Variants in STX16 observed in about 807,000 individuals in gnomAD.
STX16 encodes the protein syntaxin 16, also known as syntaxin-16.
In STX16, 28 loss-of-function variants were observed where a neutral mutation model predicts 42.7. That is an observed-to-expected ratio of 0.66 (90% CI 0.49 to 0.90). STX16 has a LOEUF of 0.90. Among genes scored for constraint, STX16 ranks in the 40% least tolerant of loss-of-function variants. STX16 has a pLI of 0.00. For synonymous variants in STX16, 156 were observed against 155.2 expected (o/e 1.00, Z -0.04); for missense variants, 361 against 420.9 (o/e 0.86, Z 1.24).
At chr20:58,673,142 TC>T in intron 7 of STX16, among the ~76,000 whole-genome samples, 1 of 152,318 alleles carries the variant, frequency 6.6e-6, no homozygotes, top group African/African-American at 2.4e-5. Context: ...GTTTACCATT[TC>T]CTGCTCTGAC....
intron 4 of STX16, among the ~76,000 whole-genome samples, chr20:58,668,775 G>T (rs955209108): frequency 6.6e-6 from 1 of 151,784 alleles, no homozygotes; most frequent in Admixed American, 6.6e-5. Context: ...GCTTGTTAGG[G>T]ATTAAATGAG....
At position 58,669,454 on chromosome 20, in the gene STX16, G is replaced by A; in HGVS notation, c.556+1G>A. On this transcript the variant is annotated splice_donor_variant, in intron 5 of 8. Transcript: ENST00000371141. LOFTEE classifies it high-confidence loss of function. ...CACGCACAGTCAGGCTACCTCAAAC[G>A]TGAGTGCTGCCCGGGCCTAGTGAAG... The A allele has an allele frequency of 2.5e-6, 4 of 1,608,094 alleles. No individual in the cohort carries two copies. Among genetic ancestry groups the A allele is most frequent in the East Asian group, 4.5e-5 (2 of 44,816 alleles).
At chr20:58,670,667 C>T in intron 6 of STX16, 64 bp downstream of exon 6, 1 of 1,331,724 alleles carries the variant, frequency 7.5e-7, no homozygotes, top group Non-Finnish European at 1.1e-6. Context: ...TCTTTCACCT[C>T]CTAGACCTCG....
At chr20:58,673,433 C>T (rs1485281557) in intron 7 of STX16, among the ~76,000 whole-genome samples, 198 bp from the exon 8 acceptor site, 1 of 152,176 alleles carries the variant, frequency 6.6e-6, no homozygotes, top group Non-Finnish European at 1.5e-5. Flanking sequence ...TGTGATGGCA[C>T]TAACCAGCAT....
chr20:58,678,015 C>T lies in STX16; in HGVS notation c.*1724C>T, dbSNP rs2084174790. On this transcript the variant is annotated 3_prime_UTR_variant, in exon 9 of 9. Transcript: ENST00000371141. ...AATAAGAAGCCAGCACCTCATCAGT[C>T]AGCCCTGCAATGTGAGACTTCCGTA... 1 of 152,268 alleles carries T rather than the reference C, an allele frequency of 6.6e-6. No individual in the cohort carries two copies. The highest frequency in any genetic ancestry group is 1.5e-5 in the Non-Finnish European group (1 of 68,066). 9.4% of individuals were successfully genotyped at this position (152,268 alleles called of 1,614,324 possible).
At chr20:58,662,219 G>T (rs2122945542) in intron 2 of STX16, among the ~76,000 whole-genome samples, 1 of 152,346 alleles carries the variant, frequency 6.6e-6, no homozygotes, top group South Asian at 2.1e-4. Flanking sequence ...AAACCACACT[G>T]CCTGGAGGAC....
chr20:58,652,407 C>T, intron 1 of STX16: 1 of 536,862 alleles, frequency 1.9e-6, no homozygotes, highest in Admixed American at 2.5e-5. Flanking sequence ...GGCGTCACTG[C>T]GCTACAGGCC....
intron 2 of STX16, among the ~76,000 whole-genome samples, chr20:58,660,309 G>A (rs1269606681): frequency 2.0e-5 from 3 of 152,232 alleles, no homozygotes; most frequent in Non-Finnish European, 4.4e-5. Context: ...TCTATTGTCT[G>A]TTTCAGCATT....
chr20:58,651,306 G>A lies in STX16; in HGVS notation c.-701G>A, dbSNP rs1387512604. 1 of 153,078 alleles carries A rather than the reference G, an allele frequency of 6.5e-6. No homozygotes were observed. The highest frequency in any genetic ancestry group is 1.5e-5 in the Non-Finnish European group (1 of 68,644). The allele number at this position is 153,078 out of a possible 1,614,324, so 9.5% of individuals were successfully genotyped here. On this transcript the variant is annotated 5_prime_UTR_variant, in exon 1 of 9. Transcript: ENST00000371141. ...TCAGATCCGGGGATGGAGGGAGCCG[G>A]AGAAGAGGAGTGAGAAGGCCGGGGA... is the stretch of plus-strand genomic sequence containing the variant.
intron 4 of STX16, 94 bp downstream of exon 4, chr20:58,668,221 C>A: frequency 6.7e-7 from 1 of 1,489,866 alleles, no homozygotes; most frequent in Non-Finnish European, 9.0e-7. Flanking sequence ...CTCCTGGAGT[C>A]ATTTCCCAAC....
rs558561838 is a variant in STX16, at chr20:58,669,467, G to A, written c.556+14G>A. 17 of 1,589,004 alleles carry A rather than the reference G, an allele frequency of 1.1e-5. No individual in the cohort carries two copies. The highest frequency in any genetic ancestry group is 2.7e-5 in the African/African-American group (2 of 73,172). ...GCTACCTCAAACGTGAGTGCTGCCC[G>A]GGCCTAGTGAAGGGATTTTGAGTAA... On this transcript the variant is annotated intron_variant, in intron 5 of 8. Coordinates refer to ENST00000371141, the MANE Select transcript of STX16 (RefSeq NM_001001433.3).
chr20:58,654,162 C>T (rs2083537039), intron 1 of STX16, among the ~76,000 whole-genome samples: 1 of 152,092 alleles, frequency 6.6e-6, no homozygotes, highest in African/African-American at 2.4e-5. Flanking sequence ...TTCTAAATGT[C>T]ATACCATTGA....
In STX16 at chr20:58,676,907, C is replaced by G. The variant is rs977723692; in HGVS notation, c.*616C>G. The G allele has an allele frequency of 1.0e-4, 16 of 152,636 alleles. No individual in the cohort carries two copies. The highest frequency in any genetic ancestry group is 1.0e-3 in the Admixed American group (16 of 15,280). 9.5% of individuals were successfully genotyped at this position (152,636 alleles called of 1,614,324 possible). A position where few individuals can be genotyped will look rare whatever the true frequency, so the allele number is the denominator to read the frequency against. On this transcript the variant is annotated 3_prime_UTR_variant, in exon 9 of 9. Transcript: ENST00000371141. Reference sequence around the variant, plus strand: ...CAAAGTGTGAAAAATAAGAAACCATCATTGATGTTAATTAACACATTTAGA... The same window carrying G: ...CAAAGTGTGAAAAATAAGAAACCATGATTGATGTTAATTAACACATTTAGA...
intron 5 of STX16, 147 bp from the exon 6 acceptor site, chr20:58,670,365 C>A: frequency 4.9e-6 from 3 of 607,322 alleles, no homozygotes; most frequent in Non-Finnish European, 8.8e-6. Flanking sequence ...CTCCCTCCAC[C>A]CCCATTGGAG....
intron 1 of STX16, chr20:58,652,340 C>G: frequency 1.3e-6 from 1 of 743,140 alleles, no homozygotes; most frequent in Admixed American, 2.1e-5. Context: ...GCAGCTCCAC[C>G]TCTGCCCGGT....
rs375933572 is a variant in STX16, at chr20:58,668,082, C to T, written c.348C>T (p.Ser116=). The T allele has an allele frequency of 3.2e-5, 51 of 1,614,108 alleles. No individual in the cohort carries two copies. In the South Asian group the frequency reaches 4.0e-4, roughly 13 times the overall value. Residue 116 remains serine, a synonymous_variant, in exon 4 of 9, where the codon AGC becomes AGT. Coordinates refer to ENST00000371141, the MANE Select transcript of STX16 (RefSeq NM_001001433.3). The part of the protein sequence containing the change: ...HLNRPTLDDS[S]EEEHAIEITT... ...ACAGACCCACCCTGGATGACAGCAG[C>T]GAAGAGGAACATGCCATTGAGATAA...
rs144838899 is a variant in STX16 at position 58,660,857 on chromosome 20, T to G, written c.144+1223T>G. On this transcript the variant is annotated intron_variant, in intron 2 of 8. Transcript: ENST00000371141. ...AACATCTGGGATAGAAAACTTCCTT[T>G]CTATTGCAAACCCTTTTCTTAGGGT... Among the ~76,000 whole-genome samples, 3 of 151,768 alleles carry G rather than the reference T, an allele frequency of 2.0e-5. No homozygotes were observed. In the East Asian group the frequency reaches 5.8e-4, roughly 29 times the overall value.
At chr20:58,656,604 A>C (rs1007774714) in intron 1 of STX16, among the ~76,000 whole-genome samples, 7 of 152,246 alleles carry the variant, frequency 4.6e-5, no homozygotes, top group Admixed American at 2.6e-4. Context: ...CTACTTTGTT[A>C]GTGTTTACTG....
chr20:58,668,150 G>A, intron 4 of STX16, 23 bp downstream of exon 4: 1 of 1,613,196 alleles, frequency 6.2e-7, no homozygotes, highest in East Asian at 2.2e-5. Flanking sequence ...AGTGAGTCCT[G>A]GGGAAACCAG....
Sources: allele counts gnomAD v4.1 joint callset (sites outside exome capture counted in the v4.1 genomes callset), GRCh38; gene constraint gnomAD v4.1.1; transcripts MANE v1.5; gene names NCBI Gene and HGNC (gene_info 2026-07-23, HGNC 2026-07-21).